Variants in MAML2 observed in about 807,000 individuals in gnomAD.
MAML2 encodes mastermind like transcriptional coactivator 2.
MAML2 carries 22 observed loss-of-function variants against 96.1 expected under a neutral mutation model. That is an observed-to-expected ratio of 0.23 (90% CI 0.16 to 0.33). MAML2 has a LOEUF of 0.33. MAML2 is among the 10% of genes least tolerant of loss of function. The pLI, the probability that MAML2 is intolerant of heterozygous loss-of-function variation, is 1.00. For missense variants in MAML2, 1,367 were observed against 1,392.4 expected, an observed-to-expected ratio of 0.98 and a Z score of 0.29; for synonymous variants, 561 against 521.3, an observed-to-expected ratio of 1.08 and a Z score of -1.04.
At chr11:96,030,299 AG>A (rs2135745137) in intron 2 of MAML2, among the ~76,000 whole-genome samples, 1 of 152,226 alleles carries the variant, frequency 6.6e-6, no homozygotes, top group Admixed American at 6.5e-5. Flanking sequence ...TTTTTAAAAA[AG>A]GAAGAGAAGA....
In MAML2 at chr11:95,979,411, G is replaced by A. The variant is rs746803788; in HGVS notation, c.3008C>T (p.Ala1003Val). 2 of 1,613,608 alleles carry A rather than the reference G, an allele frequency of 1.2e-6. No homozygotes were observed. The highest frequency in any genetic ancestry group is 1.1e-5 in the South Asian group (1 of 91,002). ...AYTPNQSLQQ[A>V]VGSQQFSQRA... ...CTGGGAAAATTGCTGGCTACCTACT[G>A]CCTGTTGCAGTGACTGATTTGGGGT... The change falls in exon 5 of 5, where the codon GCA becomes GTA. Residue 1003 changes from alanine (A) to valine (V), a missense_variant. Ala to Val is a moderately conservative substitution (Grantham distance 64). Coordinates refer to ENST00000524717, the MANE Select transcript of MAML2 (RefSeq NM_032427.4).
intron 1 of MAML2, among the ~76,000 whole-genome samples, chr11:96,222,884 A>T (rs1591081186): frequency 2.0e-5 from 3 of 152,296 alleles, no homozygotes; most frequent in Admixed American, 6.5e-5. Context: ...CAAAAAATAT[A>T]ATTTGTTTCA....
chr11:96,099,641 C>T (rs550842829), intron 1 of MAML2, among the ~76,000 whole-genome samples: 14 of 152,056 alleles, frequency 9.2e-5, no homozygotes, highest in African/African-American at 2.4e-4. Flanking sequence ...GCCTGGGAAA[C>T]GGGATCCTTC....
At chr11:96,183,284 T>A (rs1324491616) in intron 1 of MAML2, among the ~76,000 whole-genome samples, 1 of 152,126 alleles carries the variant, frequency 6.6e-6, no homozygotes, top group Non-Finnish European at 1.5e-5. Flanking sequence ...ATACATGTTC[T>A]ATATTCAGCA....
At chr11:96,249,291 C>T (rs1862552371) in intron 1 of MAML2, among the ~76,000 whole-genome samples, 1 of 152,154 alleles carries the variant, frequency 6.6e-6, no homozygotes, top group South Asian at 2.1e-4. Flanking sequence ...AGTGTTAGCA[C>T]TCTGTTCAAA....
chr11:96,299,058 A>ATATATATATATATATAT (rs61036575), intron 1 of MAML2, among the ~76,000 whole-genome samples: 54 of 57,998 alleles, frequency 9.3e-4, no homozygotes, highest in East Asian at 2.2e-3. Context: ...AAAAAAAAAA[A>ATATATATATATATATAT]AAATATATAT....
chr11:95,996,821 C>G (rs1857998235), intron 2 of MAML2, among the ~76,000 whole-genome samples: 1 of 152,134 alleles, frequency 6.6e-6, no homozygotes, highest in African/African-American at 2.4e-5. Flanking sequence ...CATACTCAGC[C>G]TCACTCTTTG....
At chr11:96,145,395 A>T (rs979769054) in intron 1 of MAML2, among the ~76,000 whole-genome samples, 5 of 152,246 alleles carry the variant, frequency 3.3e-5, no homozygotes, top group African/African-American at 1.2e-4. Context: ...CTCTACAGAA[A>T]CATTTTTCTC....
intron 1 of MAML2, among the ~76,000 whole-genome samples, chr11:96,302,845 T>C (rs1338157283): frequency 2.0e-5 from 3 of 152,236 alleles, no homozygotes; most frequent in Non-Finnish European, 2.9e-5. Context: ...TCCAGGTTTT[T>C]CATAATCATA....
At chr11:96,206,147 C>A (rs1008118056) in intron 1 of MAML2, among the ~76,000 whole-genome samples, 3 of 150,946 alleles carry the variant, frequency 2.0e-5, no homozygotes, top group Non-Finnish European at 1.5e-5. Context: ...ATTCCTTGAT[C>A]TTTTCAAAAT....
At chr11:96,302,660 T>C (rs1375722741) in intron 1 of MAML2, among the ~76,000 whole-genome samples, 1 of 152,204 alleles carries the variant, frequency 6.6e-6, no homozygotes, top group African/African-American at 2.4e-5. Context: ...TCCTTACATT[T>C]TCTAAATTTG....
intron 1 of MAML2, among the ~76,000 whole-genome samples, chr11:96,267,584 C>T (rs950510309): frequency 6.6e-6 from 1 of 152,214 alleles, no homozygotes; most frequent in African/African-American, 2.4e-5. Context: ...ACTTCACATT[C>T]TAGGTTCATT....
chr11:96,051,501 G>A (rs1858990478), intron 2 of MAML2, among the ~76,000 whole-genome samples: 2 of 151,970 alleles, frequency 1.3e-5, no homozygotes, highest in South Asian at 4.2e-4. Flanking sequence ...TAAATTTGAG[G>A]CATGCAGAAG....
At chr11:96,029,300 A>G (rs1335478525) in intron 2 of MAML2, among the ~76,000 whole-genome samples, 1 of 152,042 alleles carries the variant, frequency 6.6e-6, no homozygotes, top group Non-Finnish European at 1.5e-5. Flanking sequence ...TTGTGCAATA[A>G]TGTTCCCCTG....
At chr11:96,170,406 C>T (rs1591052497) in intron 1 of MAML2, among the ~76,000 whole-genome samples, 2 of 152,156 alleles carry the variant, frequency 1.3e-5, no homozygotes, top group East Asian at 3.8e-4. Context: ...TTTTATCATA[C>T]CAGCGAAAAG....
In MAML2 at chr11:96,250,660, C is replaced by A. The variant is rs1309256454; in HGVS notation, c.513+90723G>T. Among the ~76,000 whole-genome samples the A allele has an allele frequency of 2.6e-5, 4 of 152,316 alleles. No individual in the cohort carries two copies. In the East Asian group the frequency reaches 7.7e-4, roughly 29 times the overall value. ...CAGCAGCTCTGGAGCATGAAGGAAG[C>A]TACTATCACCTTCTCTTCTGTGTAA... On this transcript the variant is annotated intron_variant, in intron 1 of 4. Coordinates refer to ENST00000524717, the MANE Select transcript of MAML2 (RefSeq NM_032427.4).
At chr11:96,018,533 G>A (rs971894022) in intron 2 of MAML2, among the ~76,000 whole-genome samples, 5 of 152,218 alleles carry the variant, frequency 3.3e-5, no homozygotes, top group African/African-American at 1.2e-4. Flanking sequence ...AAAGGAGAGT[G>A]CAAACCATGA....
In MAML2 at chr11:96,092,479, C is replaced by T. The variant is rs367975287; in HGVS notation, c.1552G>A (p.Gly518Ser). The change falls in exon 2 of 5, where the codon GGC becomes AGC. Residue 518 changes from glycine to serine, a missense_variant. Gly to Ser is a moderately conservative substitution (Grantham distance 56). Coordinates refer to ENST00000524717, the MANE Select transcript of MAML2 (RefSeq NM_032427.4). The surrounding 1 kb of genome is among the most constrained non-coding windows in gnomAD (Gnocchi z 4.1). ...KVMANYMYKAGPSAQGGHLDV... is the reference protein window; with the variant it reads ...KVMANYMYKASPSAQGGHLDV... ...AGGTGCCCACCCTGGGCTGAGGGGCCGGCCTTGTACATGTAGTTAGCCATT... is the reference window on the plus strand; with the variant it reads ...AGGTGCCCACCCTGGGCTGAGGGGCTGGCCTTGTACATGTAGTTAGCCATT... The T allele has an allele frequency of 3.4e-5, 55 of 1,607,396 alleles. 1 individual carries two copies. The highest frequency in any genetic ancestry group is 2.8e-4 in the South Asian group (25 of 90,130).
At chr11:96,165,258 G>GA (rs1193625749) in intron 1 of MAML2, among the ~76,000 whole-genome samples, 3 of 152,004 alleles carry the variant, frequency 2.0e-5, no homozygotes, top group African/African-American at 7.2e-5. Flanking sequence ...GAATCACCTT[G>GA]AAAGGCTTGT....
Sources: gnomAD v4.1 joint callset for allele counts (sites outside exome capture counted in the v4.1 genomes callset) on GRCh38, gnomAD v4.1.1 for gene constraint, Gnocchi (gnomAD v3.1) non-coding constraint, MANE v1.5 for transcripts, NCBI Gene and HGNC (gene_info 2026-07-23, HGNC 2026-07-21) for gene names.